The following EPHA7 variants were observed in gnomAD, a reference collection of about 807,000 sequenced individuals.
EPHA7 encodes EPH receptor A7, also known as ephrin type-A receptor 7.
EPHA7 carries 25 observed loss-of-function variants against 112.6 expected under a neutral mutation model. The ratio of observed to expected loss-of-function variants is 0.22; its 90% confidence interval spans 0.16 to 0.31. EPHA7 has a LOEUF of 0.31. Ranked by LOEUF, EPHA7 falls within the 10% of genes least tolerant of loss-of-function variation. EPHA7 has a pLI of 1.00. For missense variants in EPHA7, 962 were observed against 1,212.6 expected, an observed-to-expected ratio of 0.79 and a Z score of 3.07; for synonymous variants, 437 against 406.5, an observed-to-expected ratio of 1.07 and a Z score of -0.90.
chr6:93,261,775 C>T (rs1199259409), intron 9 of EPHA7, among the ~76,000 whole-genome samples: 1 of 151,362 alleles, frequency 6.6e-6, no homozygotes, highest in Non-Finnish European at 1.5e-5. Context: ...TTTATCTTGT[C>T]TATATTAGCA....
rs570066068 is a variant in EPHA7, at chr6:93,252,136, C to T, written c.2532+2511G>A. On this transcript the variant is annotated intron_variant, in intron 14 of 16. Coordinates refer to ENST00000369303, the MANE Select transcript of EPHA7 (RefSeq NM_004440.4). ...ACTTTCTCACTCATTAGCTTCTACA[C>T]CACCCTTTTGTGTCTCTTCAGGTTA... Among the ~76,000 whole-genome samples the T allele has an allele frequency of 1.7e-4, 25 of 145,210 alleles. No individual in the cohort carries two copies. In the South Asian group the frequency reaches 5.6e-3, roughly 33 times the overall value.
At chr6:93,322,011 A>G (rs1286330964) in intron 5 of EPHA7, among the ~76,000 whole-genome samples, 4 of 151,836 alleles carry the variant, frequency 2.6e-5, no homozygotes, top group African/African-American at 9.7e-5. Context: ...CTTACGTTAT[A>G]GAGCACTGTG....
intron 3 of EPHA7, among the ~76,000 whole-genome samples, chr6:93,376,965 T>A (rs1406878588): frequency 1.3e-5 from 2 of 152,176 alleles, no homozygotes; most frequent in African/African-American, 4.8e-5. Flanking sequence ...ACATTTTACA[T>A]ATAACCACCA....
At chr6:93,329,530 G>A (rs1384868727) in intron 5 of EPHA7, among the ~76,000 whole-genome samples, 1 of 151,184 alleles carries the variant, frequency 6.6e-6, no homozygotes, top group Non-Finnish European at 1.5e-5. Context: ...CATGAACTGT[G>A]TATGAATCCT....
At chr6:93,258,318 T>G (rs1286799263) in intron 10 of EPHA7, 34 bp from the exon 11 acceptor site, 2 of 1,507,570 alleles carry the variant, frequency 1.3e-6, no homozygotes, top group Non-Finnish European at 1.8e-6. Flanking sequence ...ATATTTTAGT[T>G]TCTAAATATT....
rs771331966 is a variant in EPHA7 at position 93,255,896 on chromosome 6, A to C, written c.2314T>G (p.Cys772Gly). 1.9e-6 allele frequency: 3 copies of C among 1,613,980 alleles called. No individual in the cohort carries two copies. In the East Asian group the frequency reaches 6.7e-5, roughly 36 times the overall value. ...RNILVNSNLV[C>G]KVSDFGLSRV... ...GACAGGCCAAAATCTGACACTTTAC[A>C]AACGAGATTGCTGTTGACAAGAATA... is the stretch of plus-strand genomic sequence containing the variant. The change falls in exon 13 of 17, where the codon TGT becomes GGT. Residue 772 changes from cysteine (C) to glycine (G), a missense_variant. Transcript: ENST00000369303.
chr6:93,300,409 G>C (rs1221357735), intron 5 of EPHA7, among the ~76,000 whole-genome samples: 1 of 152,070 alleles, frequency 6.6e-6, no homozygotes, highest in Non-Finnish European at 1.5e-5. Context: ...GCATAGTAAA[G>C]AGCCATACAG....
At chr6:93,396,653 T>C (rs1382241122) in intron 3 of EPHA7, among the ~76,000 whole-genome samples, 1 of 151,882 alleles carries the variant, frequency 6.6e-6, no homozygotes, top group Non-Finnish European at 1.5e-5. Flanking sequence ...TAACACATTT[T>C]AGGAAAAATG....
chr6:93,302,809 G>T (rs1773056093), intron 5 of EPHA7, among the ~76,000 whole-genome samples: 1 of 140,626 alleles, frequency 7.1e-6, no homozygotes, highest in African/African-American at 2.6e-5. Context: ...AGCATGGAGG[G>T]ACCTGGAGTC....
chr6:93,299,773 C>A (rs958804429), intron 5 of EPHA7, among the ~76,000 whole-genome samples: 1 of 152,176 alleles, frequency 6.6e-6, no homozygotes. Context: ...TACATATACA[C>A]CATGGAATAC....
intron 5 of EPHA7, among the ~76,000 whole-genome samples, chr6:93,284,960 C>A (rs879914542): frequency 1.3e-5 from 2 of 152,094 alleles, no homozygotes; most frequent in Non-Finnish European, 2.9e-5. Flanking sequence ...CAAACCTGCA[C>A]ATTCTGCACA....
intron 5 of EPHA7, among the ~76,000 whole-genome samples, chr6:93,273,838 G>T (rs1348373449): frequency 6.6e-6 from 1 of 151,914 alleles, no homozygotes; most frequent in Non-Finnish European, 1.5e-5. Flanking sequence ...CCCAGAACCT[G>T]CTTAGCATAA....
intron 3 of EPHA7, among the ~76,000 whole-genome samples, chr6:93,391,606 A>G (rs942268377): frequency 6.6e-6 from 1 of 151,922 alleles, no homozygotes; most frequent in Non-Finnish European, 1.5e-5. Context: ...TTTACTACAG[A>G]ACTTCTTGAC....
chr6:93,367,259 C>T (rs1258779879), intron 3 of EPHA7, among the ~76,000 whole-genome samples: 1 of 152,082 alleles, frequency 6.6e-6, no homozygotes, highest in African/African-American at 2.4e-5. Flanking sequence ...TGGAAGATTT[C>T]AGACAGGAGG....
chr6:93,336,550 G>A (rs567989427), intron 5 of EPHA7, among the ~76,000 whole-genome samples: 6 of 152,076 alleles, frequency 3.9e-5, no homozygotes, highest in South Asian at 4.1e-4. Flanking sequence ...CTACAGGCAC[G>A]TGCCACCACG....
At chr6:93,295,749 T>A (rs1002972225) in intron 5 of EPHA7, among the ~76,000 whole-genome samples, 4 of 151,702 alleles carry the variant, frequency 2.6e-5, no homozygotes, top group Non-Finnish European at 5.9e-5. Flanking sequence ...TATACTACTA[T>A]CTATTTTTGT....
intron 5 of EPHA7, among the ~76,000 whole-genome samples, chr6:93,287,510 C>T (rs1455382963): frequency 1.3e-5 from 2 of 150,930 alleles, no homozygotes; most frequent in Non-Finnish European, 2.9e-5. Flanking sequence ...TAGTTTTTCT[C>T]CTGTCTGGTT....
At chr6:93,312,028 T>A (rs895314423) in intron 5 of EPHA7, among the ~76,000 whole-genome samples, 10 of 152,168 alleles carry the variant, frequency 6.6e-5, no homozygotes, top group African/African-American at 2.4e-4. Flanking sequence ...TGTAAACATA[T>A]GTGCTGTTAT....
chr6:93,410,359 A>G lies in EPHA7; in HGVS notation c.832+142T>C. The G allele has an allele frequency of 1.4e-6, 1 of 709,306 alleles. No individual in the cohort carries two copies. The highest frequency in any genetic ancestry group is 2.3e-6 in the Non-Finnish European group (1 of 427,336). The allele number at this position is 709,306 out of a possible 1,614,324, so 43.9% of individuals were successfully genotyped here. ...TACTGTAGGGCAATCACTAAGTTCA[A>G]CGGTGACTTTGTTTAAGATCTACTG... On this transcript the variant is annotated intron_variant, in intron 3 of 16. Coordinates refer to ENST00000369303, the MANE Select transcript of EPHA7 (RefSeq NM_004440.4). This position sits in a 1 kb window ranked among gnomAD's most constrained non-coding sequence, Gnocchi z 4.0.
Sources: gnomAD v4.1 joint callset for allele counts (sites outside exome capture counted in the v4.1 genomes callset) on GRCh38, gnomAD v4.1.1 for gene constraint, Gnocchi (gnomAD v3.1) non-coding constraint, MANE v1.5 for transcripts, NCBI Gene and HGNC (gene_info 2026-07-23, HGNC 2026-07-21) for gene names.